ZNF804A: variants seen among roughly 807,000 people sequenced by gnomAD.
ZNF804A encodes the protein zinc finger protein 804A.
In ZNF804A, 2 loss-of-function variants were observed where a neutral mutation model predicts 16.5. The observed-to-expected ratio is 0.12, with a 90% CI of 0.05 to 0.38. The LOEUF is 0.38. ZNF804A is among the 10% of genes least tolerant of loss of function. ZNF804A has a pLI of 0.99. For synonymous variants in ZNF804A, 534 were observed against 489.6 expected, an observed-to-expected ratio of 1.09 and a Z score of -1.20; for missense variants, 1,473 against 1,390.7, an observed-to-expected ratio of 1.06 and a Z score of -0.94.
intron 1 of ZNF804A, among the ~76,000 whole-genome samples, chr2:184,818,204 G>A (rs1041667934): frequency 1.3e-5 from 2 of 151,994 alleles, no homozygotes; most frequent in African/African-American, 4.8e-5. Flanking sequence ...ACTAACAGTG[G>A]AACTCTCAGC....
chr2:184,853,698 A>G (rs779987262), intron 1 of ZNF804A, among the ~76,000 whole-genome samples: 4 of 151,806 alleles, frequency 2.6e-5, no homozygotes, highest in Non-Finnish European at 4.4e-5. Context: ...TGTCATATTT[A>G]TAGATTTTTG....
At chr2:184,751,731 T>C (rs1693880612) in intron 1 of ZNF804A, among the ~76,000 whole-genome samples, 1 of 151,626 alleles carries the variant, frequency 6.6e-6, no homozygotes, top group Admixed American at 6.6e-5. Context: ...AAATTATGCC[T>C]CTTACAAAGG....
intron 1 of ZNF804A, among the ~76,000 whole-genome samples, chr2:184,699,937 C>A (rs1369310812): frequency 6.6e-6 from 1 of 152,014 alleles, no homozygotes; most frequent in Non-Finnish European, 1.5e-5. Context: ...CAATACGCCA[C>A]TAGAGCCCAC....
chr2:184,833,516 T>G (rs966264790), intron 1 of ZNF804A, among the ~76,000 whole-genome samples: 2 of 152,124 alleles, frequency 1.3e-5, no homozygotes, highest in Non-Finnish European at 2.9e-5. Context: ...CTAATTTATA[T>G]TAAAGTTTAT....
intron 1 of ZNF804A, among the ~76,000 whole-genome samples, chr2:184,858,482 C>T (rs1222167502): frequency 7.0e-6 from 1 of 143,794 alleles, no homozygotes; most frequent in African/African-American, 2.6e-5. Context: ...CCAGCCTATG[C>T]AACAGAGTGA....
chr2:184,708,806 A>T (rs576523548), intron 1 of ZNF804A, among the ~76,000 whole-genome samples: 75 of 152,238 alleles, frequency 4.9e-4, no homozygotes, highest in African/African-American at 1.7e-3. Flanking sequence ...TTAATATGTA[A>T]CCACCTCAGG....
In ZNF804A at chr2:184,937,988, A is replaced by G. The variant is rs1449989380; in HGVS notation, c.2592A>G (p.Lys864=). The G allele has an allele frequency of 4.3e-6, 7 of 1,613,984 alleles. No homozygotes were observed. Among genetic ancestry groups the G allele is most frequent in the African/African-American group, 1.3e-5 (1 of 74,924 alleles). The change falls in exon 4 of 4, where the codon AAA becomes AAG. Residue 864 remains lysine (K), a synonymous_variant. Transcript: ENST00000302277. ...KEKMKPQEVA[K]IERNSEQTNQ... is the part of the protein sequence containing the mutation. ...AAATGAAACCACAAGAAGTTGCAAA[A>G]ATCGAAAGGAACTCAGAACAAACAA...
chr2:184,904,227 G>A (rs1199294053), intron 2 of ZNF804A, among the ~76,000 whole-genome samples: 2 of 151,932 alleles, frequency 1.3e-5, no homozygotes, highest in East Asian at 3.9e-4. Context: ...ACAAAAATAA[G>A]TGAAACAGCA....
chr2:184,824,466 C>T (rs570267098), intron 1 of ZNF804A, among the ~76,000 whole-genome samples: 38 of 151,794 alleles, frequency 2.5e-4, no homozygotes, highest in Non-Finnish European at 4.0e-4. Context: ...ATATTCATGT[C>T]CTCGGTAAAA....
chr2:184,696,350 T>G (rs915911424), intron 1 of ZNF804A, among the ~76,000 whole-genome samples: 1 of 152,086 alleles, frequency 6.6e-6, no homozygotes, highest in South Asian at 2.1e-4. Context: ...TGAAATCTCA[T>G]GTATGTAGAA....
At chr2:184,896,035 T>A (rs1685059431) in intron 2 of ZNF804A, among the ~76,000 whole-genome samples, 1 of 152,200 alleles carries the variant, frequency 6.6e-6, no homozygotes, top group African/African-American at 2.4e-5. Context: ...AAATCTAGTT[T>A]ATTAAAAACA....
chr2:184,847,467 T>C (rs1227420165), intron 1 of ZNF804A, among the ~76,000 whole-genome samples: 1 of 152,078 alleles, frequency 6.6e-6, no homozygotes, highest in African/African-American at 2.4e-5. Flanking sequence ...CAGAGCAGAA[T>C]GACATTTATA....
In ZNF804A at chr2:184,675,657, C is replaced by T. The variant is rs192904008; in HGVS notation, c.111+76587C>T. ...TCACAATAACGCTATTAAATAGATA[C>T]TTTTTAAATTTTCATTTTGTGGAAG... On this transcript the variant is annotated intron_variant, in intron 1 of 3. Transcript: ENST00000302277. Among the ~76,000 whole-genome samples, 912 of 151,688 alleles carry T rather than the reference C, an allele frequency of 6.0e-3. 10 individuals are homozygous for T. Among genetic ancestry groups the T allele is most frequent in the Middle Eastern group, 0.01 (3 of 294 alleles).
intron 1 of ZNF804A, among the ~76,000 whole-genome samples, chr2:184,848,457 G>T (rs1374739576): frequency 2.0e-5 from 3 of 151,970 alleles, no homozygotes; most frequent in Non-Finnish European, 4.4e-5. Flanking sequence ...TAAAAGGAAA[G>T]ATATAAGAGG....
At chr2:184,870,424 T>A (rs1695957796) in intron 2 of ZNF804A, among the ~76,000 whole-genome samples, 1 of 152,084 alleles carries the variant, frequency 6.6e-6, no homozygotes, top group Admixed American at 6.6e-5. Context: ...TAGTTTATAA[T>A]GCTTTATATG....
intron 1 of ZNF804A, among the ~76,000 whole-genome samples, chr2:184,798,198 C>A (rs1360130703): frequency 6.6e-6 from 1 of 151,924 alleles, no homozygotes; most frequent in Non-Finnish European, 1.5e-5. Flanking sequence ...CTTTAGATAA[C>A]CTGATAACAA....
At chr2:184,777,537 T>C (rs1165112096) in intron 1 of ZNF804A, among the ~76,000 whole-genome samples, 1 of 151,126 alleles carries the variant, frequency 6.6e-6, no homozygotes, top group African/African-American at 2.4e-5. Context: ...CCCAGTGTCC[T>C]AACTCTGAAA....
chr2:184,701,727 T>C (rs1692922545), intron 1 of ZNF804A, among the ~76,000 whole-genome samples: 1 of 151,952 alleles, frequency 6.6e-6, no homozygotes, highest in South Asian at 2.1e-4. Flanking sequence ...TTAAATGCTA[T>C]GCATTCATAG....
At position 184,858,046 on chromosome 2, in the gene ZNF804A, C is replaced by T. The variant is rs146122906; in HGVS notation, c.112-8323C>T. Among the ~76,000 whole-genome samples, 413 of 152,048 alleles carry T rather than the reference C, an allele frequency of 2.7e-3. 2 individuals carry two copies. The highest frequency in any genetic ancestry group is 9.3e-3 in the African/African-American group (384 of 41,490). Reference sequence around the variant, plus strand: ...ATCTTTTGTTTCTTTCTTCTACTCTCGATGCCTTCCCTTCCATTGTGATGA... The same window carrying T: ...ATCTTTTGTTTCTTTCTTCTACTCTTGATGCCTTCCCTTCCATTGTGATGA... On this transcript the variant is annotated intron_variant, in intron 1 of 3. Coordinates refer to ENST00000302277, the MANE Select transcript of ZNF804A (RefSeq NM_194250.2).
Sources: gnomAD v4.1 joint callset for allele counts (sites outside exome capture counted in the v4.1 genomes callset) on GRCh38, gnomAD v4.1.1 for gene constraint, MANE v1.5 for transcripts, NCBI Gene and HGNC (gene_info 2026-07-23, HGNC 2026-07-21) for gene names.